Variants in HINT2 observed in about 807,000 individuals in gnomAD.
HINT2 encodes histidine triad nucleotide binding protein 2.
HINT2 carries 17 observed loss-of-function variants against 20.0 expected under a neutral mutation model. That is an observed-to-expected ratio of 0.85 (90% confidence interval 0.58 to 1.27). The LOEUF (loss-of-function observed/expected upper bound fraction) is 1.27. Among genes scored for constraint, HINT2 ranks in the 50% most tolerant of loss-of-function variants. The pLI, the probability that HINT2 is intolerant of heterozygous loss-of-function variation, is 0.00. For missense variants in HINT2, 217 were observed against 211.9 expected, an observed-to-expected ratio of 1.02 and a Z score of -0.15; for synonymous variants, 96 against 84.2, an observed-to-expected ratio of 1.14 and a Z score of -0.77.
rs1564001220 is a variant in HINT2, at chr9:35,813,102, C to A, written c.444G>T (p.Leu148=). Reference sequence around the variant, plus strand: ...GCCGGCCCCCAAGTACATGAATGTGCAGATGATACACAGATTGTGCACCCA... The same window carrying A: ...GCCGGCCCCCAAGTACATGAATGTGAAGATGATACACAGATTGTGCACCCA... ...GKLGAQSVYH[L]HIHVLGGRQL... Residue 148 remains leucine (L), a synonymous_variant, in exon 5 of 5, where the codon CTG becomes CTT. Coordinates refer to ENST00000259667, the MANE Select transcript of HINT2 (RefSeq NM_032593.3). 6 of 1,614,084 alleles carry A rather than the reference C, an allele frequency of 3.7e-6. No individual in the cohort carries two copies. Among genetic ancestry groups the A allele is most frequent in the South Asian group, 3.3e-5 (3 of 91,096 alleles).
At chr9:35,814,404 T>C (rs1486949346) in intron 1 of HINT2, 2 of 155,392 alleles carry the variant, frequency 1.3e-5, no homozygotes, top group African/African-American at 2.4e-5. Context: ...TCTGCTCCCC[T>C]AGCCCCAGGG....
Position 35,813,456 on chromosome 9 carries a change from C to T in HINT2, c.316G>A (p.Glu106Lys). 6.2e-7 allele frequency: 1 copy of T among 1,614,196 alleles called. No individual in the cohort carries two copies. Among genetic ancestry groups the T allele is most frequent in the East Asian group, 2.2e-5 (1 of 44,888 alleles). The stretch of plus-strand genomic sequence containing the variant: ...CCTGTTCTTCCCACCTGCTGGTCTT[C>T]TTCTTCAGCCTGGCTAATCCGAGGA... Reference protein sequence around the residue: ...PIPRISQAEEEDQQLLGHLLL... With the variant: ...PIPRISQAEEKDQQLLGHLLL... Residue 106 changes from glutamate to lysine, a missense_variant, in exon 3 of 5, where the codon GAA becomes AAA. Coordinates refer to ENST00000259667, the MANE Select transcript of HINT2 (RefSeq NM_032593.3).
At position 35,814,939 on chromosome 9, in the gene HINT2, G is replaced by C. The variant is rs776216921; in HGVS notation, c.41C>G (p.Ala14Gly). The change falls in exon 1 of 5, where the codon GCG (alanine) becomes GGG (glycine). Residue 14 changes from alanine (A) to glycine (G), a missense_variant. Coordinates refer to ENST00000259667, the MANE Select transcript of HINT2 (RefSeq NM_032593.3). ...AVVLAAGLRA[A>G]RRAVAATGVR... ...CCCCGTGGCCGCCACGGCTCTGCGCGCCGCGCGCAACCCAGCAGCCAGCAC... is the reference window on the plus strand; with the variant it reads ...CCCCGTGGCCGCCACGGCTCTGCGCCCCGCGCGCAACCCAGCAGCCAGCAC... 2.0e-6 allele frequency: 3 copies of C among 1,485,190 alleles called. No individual in the cohort carries two copies. In the South Asian group the frequency reaches 3.8e-5, roughly 19 times the overall value. 92.0% of individuals were successfully genotyped at this position (1,485,190 alleles called of 1,614,324 possible). A position where few individuals can be genotyped will look rare whatever the true frequency, so the allele number is the denominator to read the frequency against.
rs1198578345 is a variant in HINT2 at position 35,813,111 on chromosome 9, C to G, written c.435G>C (p.Val145=). 3 of 1,614,182 alleles carry G rather than the reference C, an allele frequency of 1.9e-6. No homozygotes were observed. Among genetic ancestry groups the G allele is most frequent in the Non-Finnish European group, 2.5e-6 (3 of 1,180,016 alleles). The part of the protein sequence containing the change: ...INDGKLGAQS[V]YHLHIHVLGG... ...CAAGTACATGAATGTGCAGATGATA[C>G]ACAGATTGTGCACCCAGCTTCCCAT... Residue 145 remains valine, a synonymous_variant, in exon 5 of 5, where the codon GTG becomes GTC. Transcript: ENST00000259667.
At chr9:35,814,797 A>G (rs770125020) in intron 1 of HINT2, 102 bp downstream of exon 1, 78 of 1,028,554 alleles carry the variant, frequency 7.6e-5, no homozygotes, top group Non-Finnish European at 1.0e-4. Context: ...CAGAGGCCAC[A>G]GGCAGGAGCT....
Position 35,813,352 on chromosome 9 carries a change from G to T in HINT2, c.328-14C>A. ...GTGTCCTAGAAGCTATAGAGAGAGC[G>T]GAGGGACATAGGTGGCTTCATTCAT... On this transcript the variant is annotated splice_polypyrimidine_tract_variant and intron_variant, in intron 3 of 4. Coordinates refer to ENST00000259667, the MANE Select transcript of HINT2 (RefSeq NM_032593.3). 6.2e-7 allele frequency: 1 copy of T among 1,612,534 alleles called. No individual in the cohort carries two copies. Among genetic ancestry groups the T allele is most frequent in the Non-Finnish European group, 8.5e-7 (1 of 1,178,552 alleles).
rs777159710 is a variant in HINT2 at position 35,813,616 on chromosome 9, A to C, written c.222+28T>G. The C allele has an allele frequency of 2.9e-4, 461 of 1,614,002 alleles. 4 individuals are homozygous for C. The South Asian group carries it at 4.6e-3, about 16-fold the overall frequency. Reference sequence around the variant, plus strand: ...GTTGGATGGTATCTACAACATTCCTAAGGGGATAGGTCCTAAGAGCACCCC... The same window carrying C: ...GTTGGATGGTATCTACAACATTCCTCAGGGGATAGGTCCTAAGAGCACCCC... On this transcript the variant is annotated intron_variant, in intron 2 of 4. Transcript: ENST00000259667.
chr9:35,814,575 G>A lies in HINT2; in HGVS notation c.81+324C>T, dbSNP rs939905914. The A allele has an allele frequency of 3.0e-5, 10 of 337,940 alleles. No individual in the cohort carries two copies. In the East Asian group the frequency reaches 4.8e-4, roughly 16 times the overall value. 20.9% of individuals were successfully genotyped at this position (337,940 alleles called of 1,614,324 possible). The stretch of plus-strand genomic sequence containing the variant: ...AGGCCAGAAGCCTGAGGAGGGCAGA[G>A]CACTGGCTCCAAGAAGAGAAAGCTC... On this transcript the variant is annotated intron_variant, in intron 1 of 4. Transcript: ENST00000259667.
rs562455248 is a variant in HINT2, at chr9:35,813,294, A to G, written c.372T>C (p.Ala124=). ...GTCGGTATCCATCTCCCAGGCCCTC[A>G]GCCTTTGCTGTCTGCTTGGCCACAA... is the stretch of plus-strand genomic sequence containing the variant. ...LLLVAKQTAK[A]EGLGDGYRLV... is the part of the protein sequence containing the mutation. The change falls in exon 4 of 5, where the codon GCT becomes GCC. Residue 124 remains alanine (A), a synonymous_variant. Transcript: ENST00000259667. 8.1e-6 allele frequency: 13 copies of G among 1,614,216 alleles called. No homozygotes were observed. Among genetic ancestry groups the G allele is most frequent in the Middle Eastern group, 1.6e-4 (1 of 6,062 alleles).
chr9:35,813,327 G>C lies in HINT2; in HGVS notation c.339C>G (p.His113Gln). 1 of 1,614,094 alleles carries C rather than the reference G, an allele frequency of 6.2e-7. No individual in the cohort carries two copies. The change falls in exon 4 of 5, where the codon CAC becomes CAG. Residue 113 changes from histidine (H) to glutamine (Q), a missense_variant. By Grantham distance (24) the His-to-Gln change is conservative. Transcript: ENST00000259667. ...CTGTCTGCTTGGCCACAAGGAGTAG[G>C]TGTCCTAGAAGCTATAGAGAGAGCG... ...AEEEDQQLLG[H>Q]LLLVAKQTAK...
chr9:35,814,233 T>A (rs1828956119), intron 1 of HINT2: 1 of 160,666 alleles, frequency 6.2e-6, no homozygotes. Flanking sequence ...TTCCGTTACT[T>A]GTTTTCTGAT....
rs1198354384 is a variant in HINT2 at position 35,813,751 on chromosome 9, C to T, written c.115G>A (p.Glu39Lys). The change falls in exon 2 of 5, where the codon GAA (glutamate) becomes AAA (lysine). Residue 39 changes from glutamate to lysine, a missense_variant. Transcript: ENST00000259667. ...GTTGCCTGCTGGGCCTTGGCCACTT[C>T]ATTCCCATCAGTCACACCTGCAGCT... is the stretch of plus-strand genomic sequence containing the variant. ...RGAAGVTDGN[E>K]VAKAQQATPG... 3.7e-6 allele frequency: 6 copies of T among 1,613,858 alleles called. No individual in the cohort carries two copies. Among genetic ancestry groups the T allele is most frequent in the Non-Finnish European group, 5.1e-6 (6 of 1,179,844 alleles).
At position 35,813,045 on chromosome 9, in the gene HINT2, T is replaced by C. The variant is rs1244979361; in HGVS notation, c.*9A>G. The C allele has an allele frequency of 2.5e-6, 4 of 1,609,820 alleles. No individual in the cohort carries two copies. The highest frequency in any genetic ancestry group is 2.2e-5 in the East Asian group (1 of 44,888). On this transcript the variant is annotated 3_prime_UTR_variant, in exon 5 of 5. Coordinates refer to ENST00000259667, the MANE Select transcript of HINT2 (RefSeq NM_032593.3). Reference sequence around the variant, plus strand: ...CCAGAGTCTGGTGTCCTTTAATCAGTTGGCAGGTTCAACCTGGAGGCCACT... The same window carrying C: ...CCAGAGTCTGGTGTCCTTTAATCAGCTGGCAGGTTCAACCTGGAGGCCACT...
At chr9:35,813,387 G>A in intron 3 of HINT2, 49 bp from the exon 4 acceptor site, 11 of 1,609,288 alleles carry the variant, frequency 6.8e-6, no homozygotes, top group Non-Finnish European at 8.5e-6. Flanking sequence ...TAGGGAGCAA[G>A]ACCTCTAGCT....
In HINT2 at chr9:35,813,327, G is replaced by T; in HGVS notation, c.339C>A (p.His113Gln). 1 of 1,614,094 alleles carries T rather than the reference G, an allele frequency of 6.2e-7. No homozygotes were observed. The change falls in exon 4 of 5, where the codon CAC (histidine) becomes CAA (glutamine). Residue 113 changes from histidine (H) to glutamine (Q), a missense_variant. His to Gln is a conservative substitution (Grantham distance 24). Coordinates refer to ENST00000259667, the MANE Select transcript of HINT2 (RefSeq NM_032593.3). ...AEEEDQQLLGHLLLVAKQTAK... is the reference protein window; with the variant it reads ...AEEEDQQLLGQLLLVAKQTAK... The stretch of plus-strand genomic sequence containing the variant: ...CTGTCTGCTTGGCCACAAGGAGTAG[G>T]TGTCCTAGAAGCTATAGAGAGAGCG...
upstream of HINT2, chr9:35,815,122 G>A: frequency 4.2e-6 from 3 of 715,718 alleles, no homozygotes; most frequent in Non-Finnish European, 6.2e-6. Context: ...CTCTGAGCAC[G>A]ATTCACCCCA....
chr9:35,814,227 GTTAC>G (rs760660938), intron 1 of HINT2: 164 of 160,294 alleles, frequency 1.0e-3, no homozygotes, highest in Middle Eastern at 3.2e-3. Flanking sequence ...ACTTATTTCC[GTTAC>G]TTGTTTTCTG....
chr9:35,815,350 G>A (rs183155321), upstream of HINT2: 99 of 193,268 alleles, frequency 5.1e-4, no homozygotes, highest in Middle Eastern at 5.9e-3. Flanking sequence ...AGTTGAATCT[G>A]ATACACAACT....
At chr9:35,814,784 G>T in intron 1 of HINT2, 115 bp downstream of exon 1, 1 of 878,302 alleles carries the variant, frequency 1.1e-6, no homozygotes, top group Non-Finnish European at 1.6e-6. Context: ...TGCCTCGGAG[G>T]GGCAGAGGCC....
Sources: gnomAD v4.1 joint callset for allele counts on GRCh38, gnomAD v4.1.1 for gene constraint, MANE v1.5 for transcripts, NCBI Gene and HGNC (gene_info 2026-07-23, HGNC 2026-07-21) for gene names.